CFAP206: variants seen among roughly 807,000 people sequenced by gnomAD.
CFAP206 encodes the protein cilia- and flagella-associated protein 206.
In CFAP206, 53 loss-of-function variants were observed where a neutral mutation model predicts 65.4. The observed-to-expected ratio is 0.81, with a 90% confidence interval of 0.65 to 1.02. The LOEUF (loss-of-function observed/expected upper bound fraction) is 1.02, where lower values mean the gene tolerates loss of function less well. CFAP206 is among the 50% of genes least tolerant of loss of function. The pLI is 0.00. For missense variants in CFAP206, 663 were observed against 753.2 expected, an observed-to-expected ratio of 0.88 and a Z score of 1.40; for synonymous variants, 250 against 254.4, an observed-to-expected ratio of 0.98 and a Z score of 0.17.
intron 12 of CFAP206, among the ~76,000 whole-genome samples, chr6:87,462,819 T>C (rs756913630): frequency 2.0e-5 from 3 of 152,200 alleles, no homozygotes; most frequent in Non-Finnish European, 2.9e-5. Context: ...GGCCTTATTA[T>C]TCCCTAGAAC....
intron 10 of CFAP206, among the ~76,000 whole-genome samples, chr6:87,433,546 T>A (rs533302281): frequency 6.6e-6 from 1 of 152,168 alleles, no homozygotes; most frequent in South Asian, 2.1e-4. Context: ...TACTGGGTTA[T>A]TTTAAACATA....
intron 6 of CFAP206, among the ~76,000 whole-genome samples, chr6:87,417,515 A>AT (rs1329055228): frequency 1.4e-5 from 2 of 146,904 alleles, no homozygotes; most frequent in African/African-American, 2.5e-5. Flanking sequence ...CTATTCTGTC[A>AT]TTTTTCACCA....
Position 87,461,312 on chromosome 6 carries a change from C to G in CFAP206, c.1638+147C>G, listed in dbSNP as rs915964669. On this transcript the variant is annotated intron_variant, in intron 12 of 12. Coordinates refer to ENST00000369562, the MANE Select transcript of CFAP206 (RefSeq NM_001031743.3). The stretch of plus-strand genomic sequence containing the variant: ...TAACAAAAATATAATTTATAACTTG[C>G]TAGGTTTACATTATAAGATTGTCTT... 24 of 511,474 alleles carry G rather than the reference C, an allele frequency of 4.7e-5. No individual in the cohort carries two copies. The East Asian group carries it at 8.8e-4, about 19-fold the overall frequency. 31.7% of individuals were successfully genotyped at this position (511,474 alleles called of 1,614,324 possible).
At chr6:87,438,234 G>A (rs1285598201) in intron 11 of CFAP206, among the ~76,000 whole-genome samples, 3 of 151,988 alleles carry the variant, frequency 2.0e-5, no homozygotes, top group Admixed American at 1.3e-4. Flanking sequence ...AGGCTGAGGC[G>A]AGTAGATCAC....
At chr6:87,444,049 TACTC>T (rs1427357028) in intron 11 of CFAP206, among the ~76,000 whole-genome samples, 1 of 152,210 alleles carries the variant, frequency 6.6e-6, no homozygotes, top group Non-Finnish European at 1.5e-5. Flanking sequence ...TCTGTTAGTT[TACTC>T]ACAAAGAGTT....
chr6:87,429,536 AT>A (rs1479927894), intron 9 of CFAP206, among the ~76,000 whole-genome samples: 5 of 152,200 alleles, frequency 3.3e-5, no homozygotes, highest in Admixed American at 6.5e-5. Flanking sequence ...AATAAATGTT[AT>A]CCCTGTAAAA....
intron 10 of CFAP206, among the ~76,000 whole-genome samples, chr6:87,432,602 G>T (rs1768179474): frequency 6.6e-6 from 1 of 152,102 alleles, no homozygotes; most frequent in Admixed American, 6.5e-5. Context: ...AGAAGAGCCT[G>T]GTCTGTGTCC....
chr6:87,450,990 G>A (rs1004924729), intron 11 of CFAP206, among the ~76,000 whole-genome samples: 4 of 152,184 alleles, frequency 2.6e-5, no homozygotes, highest in African/African-American at 9.7e-5. Flanking sequence ...CCCATGGCGG[G>A]AGCATTTAGA....
At position 87,418,285 on chromosome 6, in the gene CFAP206, G is replaced by A; in HGVS notation, c.709G>A (p.Val237Ile). ...DYQLETARSQ[V>I]YRYTAILEKA... ...CCAGCTTGAGACTGCCCGGAGCCAG[G>A]TATACCGCTACACAGCCATCCTTGA... Residue 237 changes from valine (V) to isoleucine (I), a missense_variant, in exon 7 of 13, where the codon GTA (valine) becomes ATA (isoleucine). Val to Ile is a conservative substitution (Grantham distance 29). Coordinates refer to ENST00000369562, the MANE Select transcript of CFAP206 (RefSeq NM_001031743.3). 1.2e-6 allele frequency: 2 copies of A among 1,614,070 alleles called. No homozygotes were observed. Among genetic ancestry groups the A allele is most frequent in the South Asian group, 1.1e-5 (1 of 91,068 alleles).
intron 11 of CFAP206, among the ~76,000 whole-genome samples, chr6:87,455,892 G>A (rs1156700091): frequency 2.0e-5 from 3 of 152,114 alleles, no homozygotes; most frequent in African/African-American, 7.2e-5. Flanking sequence ...GAAAAGCCAG[G>A]GACCCAGTGG....
At chr6:87,463,404 C>T (rs1768776111) in intron 12 of CFAP206, among the ~76,000 whole-genome samples, 1 of 152,198 alleles carries the variant, frequency 6.6e-6, no homozygotes, top group Admixed American at 6.5e-5. Flanking sequence ...TCTTCACTCA[C>T]ATGCTATAAT....
chr6:87,427,064 C>T (rs1442274785), intron 8 of CFAP206, among the ~76,000 whole-genome samples: 1 of 152,176 alleles, frequency 6.6e-6, no homozygotes, highest in East Asian at 1.9e-4. Flanking sequence ...TTATCTGCAC[C>T]ATTTTATGGA....
intron 11 of CFAP206, among the ~76,000 whole-genome samples, chr6:87,452,249 A>C (rs1366401804): frequency 6.6e-6 from 1 of 152,258 alleles, no homozygotes; most frequent in African/African-American, 2.4e-5. Context: ...CAACGGTCAC[A>C]GTGTTACTGG....
At chr6:87,441,816 A>C in intron 11 of CFAP206, 1 of 263,644 alleles carries the variant, frequency 3.8e-6, no homozygotes. Flanking sequence ...ATTTCAGGCG[A>C]ATAAGAGAAG....
At chr6:87,411,565 T>TCC (rs1767736034) in intron 3 of CFAP206, among the ~76,000 whole-genome samples, 1 of 152,262 alleles carries the variant, frequency 6.6e-6, no homozygotes, top group Non-Finnish European at 1.5e-5. Context: ...TCTGTTGCAT[T>TCC]TACTTTTAAG....
chr6:87,413,046 G>C (rs548618468), intron 3 of CFAP206, among the ~76,000 whole-genome samples: 9 of 152,266 alleles, frequency 5.9e-5, no homozygotes, highest in Middle Eastern at 3.4e-3. Flanking sequence ...TTTTAGACTG[G>C]AATATAAGCT....
At chr6:87,416,566 AACTCAG>A in intron 5 of CFAP206, 97 bp from the exon 6 acceptor site, 1 of 990,896 alleles carries the variant, frequency 1.0e-6, no homozygotes, top group Non-Finnish European at 1.4e-6. Context: ...TCATATAAGT[AACTCAG>A]ACCCTTAACT....
chr6:87,455,922 C>T (rs1387494707), intron 11 of CFAP206, among the ~76,000 whole-genome samples: 1 of 152,136 alleles, frequency 6.6e-6, no homozygotes, highest in Non-Finnish European at 1.5e-5. Flanking sequence ...TGAATTTTAC[C>T]AAACATTTAA....
chr6:87,416,309 A>G (rs1397477525), intron 5 of CFAP206, among the ~76,000 whole-genome samples: 3 of 152,174 alleles, frequency 2.0e-5, no homozygotes, highest in South Asian at 2.1e-4. Flanking sequence ...CATCCTTTAA[A>G]ATGAGGAATA....
Sources: gnomAD v4.1 joint callset for allele counts (sites outside exome capture counted in the v4.1 genomes callset) on GRCh38, gnomAD v4.1.1 for gene constraint, MANE v1.5 for transcripts, NCBI Gene and HGNC (gene_info 2026-07-23, HGNC 2026-07-21) for gene names.